The following NFIB variants were observed in gnomAD, a reference collection of about 807,000 sequenced individuals.
The protein encoded by NFIB is nuclear factor 1 B-type.
Under a neutral mutation model 61.5 loss-of-function variants are expected in NFIB, and 11 were observed. That is an observed-to-expected ratio of 0.18 (90% CI 0.11 to 0.30). NFIB has a LOEUF of 0.30. Among genes scored for constraint, NFIB ranks in the 10% least tolerant of loss-of-function variants. The pLI is 1.00. For synonymous variants in NFIB, 260 were observed against 216.5 expected (o/e 1.20, Z -1.76); for missense variants, 471 against 608.9 (o/e 0.77, Z 2.38).
At chr9:14,128,271 A>G (rs1230694768) in intron 6 of NFIB, among the ~76,000 whole-genome samples, 1 of 152,212 alleles carries the variant, frequency 6.6e-6, no homozygotes, top group African/African-American at 2.4e-5. Flanking sequence ...TTGAAAAAGA[A>G]ACTGGGAACT....
At chr9:14,403,424 G>A (rs1020546690), upstream of NFIB, among the ~76,000 whole-genome samples, 1 of 152,066 alleles carries the variant, frequency 6.6e-6, no homozygotes, top group South Asian at 2.1e-4. Flanking sequence ...CCTTTTTTGT[G>A]GTGCCCAACA....
chr9:14,408,285 C>T, the NFIB span, among the ~76,000 whole-genome samples: 1 of 152,116 alleles, frequency 6.6e-6, no homozygotes, highest in Admixed American at 6.5e-5. Context: ...ACAGATATAC[C>T]TGAATCTGTA....
chr9:14,407,240 T>C, the NFIB span, among the ~76,000 whole-genome samples: 5 of 152,346 alleles, frequency 3.3e-5, no homozygotes, highest in African/African-American at 1.2e-4. Flanking sequence ...ATTCTGCAAA[T>C]ATTAAACTTT....
chr9:14,173,587 G>A (rs186508995), intron 3 of NFIB, among the ~76,000 whole-genome samples: 2 of 152,148 alleles, frequency 1.3e-5, no homozygotes, highest in East Asian at 1.9e-4. Context: ...ATAAATATCT[G>A]CTGGCTGAAA....
chr9:14,127,067 T>C (rs752404483), intron 6 of NFIB, among the ~76,000 whole-genome samples: 1 of 152,314 alleles, frequency 6.6e-6, no homozygotes, highest in East Asian at 1.9e-4. Flanking sequence ...AAATATTTAA[T>C]ACTGCCAAAA....
the NFIB span, among the ~76,000 whole-genome samples, chr9:14,409,467 CT>C: frequency 6.6e-6 from 1 of 152,146 alleles, no homozygotes; most frequent in Non-Finnish European, 1.5e-5. Flanking sequence ...TCCAGGAATG[CT>C]AATGCCTGCC....
the NFIB span, among the ~76,000 whole-genome samples, chr9:14,414,578 TTCAGCTTCCTTG>T: frequency 1.9e-4 from 28 of 151,154 alleles, no homozygotes; most frequent in Non-Finnish European, 2.8e-4. Flanking sequence ...TTCTTGGTGT[TTCAGCTTCCTTG>T]TCTGTAAAAC....
Position 14,084,142 on chromosome 9 carries a change from T to C in NFIB, c.*4167A>G, listed in dbSNP as rs1429436085. 4.9e-6 allele frequency: 1 copy of C among 203,262 alleles called. No homozygotes were observed. Among genetic ancestry groups the C allele is most frequent in the Non-Finnish European group, 1.0e-5 (1 of 98,938 alleles). 12.6% of individuals were successfully genotyped at this position (203,262 alleles called of 1,614,324 possible). A position where few individuals can be genotyped will look rare whatever the true frequency, so the allele number is the denominator to read the frequency against. On this transcript the variant is annotated 3_prime_UTR_variant, in exon 11 of 11. Coordinates refer to ENST00000380953, the MANE Select transcript of NFIB (RefSeq NM_001190737.2). ...GAAATAACTCCTAACATGGACAGAT[T>C]TTCTTTTTAATACATAACTTAAGAG...
chr9:14,435,922 C>T, the NFIB span, among the ~76,000 whole-genome samples: 1 of 152,194 alleles, frequency 6.6e-6, no homozygotes, highest in Non-Finnish European at 1.5e-5. Flanking sequence ...AAATGCCACA[C>T]CCATTAGGTA....
intron 2 of NFIB, among the ~76,000 whole-genome samples, chr9:14,287,085 T>C (rs2058753959): frequency 6.6e-6 from 1 of 152,116 alleles, no homozygotes; most frequent in Admixed American, 6.6e-5. Flanking sequence ...TAGGTTCAAA[T>C]CTATCTTTGG....
At chr9:14,462,396 C>A in the NFIB span, among the ~76,000 whole-genome samples, 10 of 152,006 alleles carry the variant, frequency 6.6e-5, no homozygotes, top group East Asian at 3.9e-4. Context: ...CATTCTCCTG[C>A]CTCAGCCTCC....
In NFIB at chr9:14,084,781, A is replaced by C. The variant is rs1587032552; in HGVS notation, c.*3528T>G. The C allele has an allele frequency of 4.4e-6, 1 of 228,818 alleles. No individual in the cohort carries two copies. Among genetic ancestry groups the C allele is most frequent in the Non-Finnish European group, 8.7e-6 (1 of 115,348 alleles). The allele number at this position is 228,818 out of a possible 1,614,324, so 14.2% of individuals were successfully genotyped here. A position where few individuals can be genotyped will look rare whatever the true frequency, so the allele number is the denominator to read the frequency against. On this transcript the variant is annotated 3_prime_UTR_variant, in exon 11 of 11. Coordinates refer to ENST00000380953, the MANE Select transcript of NFIB (RefSeq NM_001190737.2). ...ATATACTTCCTGGTACACGAGGAGG[A>C]GGCCGAAAAGTTGATTTGAGATTTT...
intron 10 of NFIB, among the ~76,000 whole-genome samples, chr9:14,094,799 T>C (rs2118654712): frequency 6.6e-6 from 1 of 152,230 alleles, no homozygotes; most frequent in South Asian, 2.1e-4. Flanking sequence ...GCCTTCTTTA[T>C]TGCTACTCCT....
chr9:14,334,069 A>G (rs1434029129), intron 1 of NFIB, among the ~76,000 whole-genome samples: 1 of 152,232 alleles, frequency 6.6e-6, no homozygotes. Context: ...TCCACATTGC[A>G]GTATGGAATT....
At chr9:14,394,402 C>T (rs1462642353) in intron 1 of NFIB, among the ~76,000 whole-genome samples, 2 of 152,150 alleles carry the variant, frequency 1.3e-5, no homozygotes, top group African/African-American at 4.8e-5. Context: ...GTTTAATGGA[C>T]TCACAGTTCC....
chr9:14,200,110 G>T (rs2048872486), intron 2 of NFIB, among the ~76,000 whole-genome samples: 1 of 152,138 alleles, frequency 6.6e-6, no homozygotes, highest in African/African-American at 2.4e-5. Context: ...AAAGGGGTGT[G>T]CTCAGTAGTT....
At chr9:14,183,405 A>AAT (rs1554665018) in intron 2 of NFIB, among the ~76,000 whole-genome samples, 7,818 of 144,776 alleles carry the variant, frequency 0.054, 594 homozygotes, top group African/African-American at 0.17. Flanking sequence ...GGGAAAAAAA[A>AAT]TTTTTTTTTT....
chr9:14,384,628 G>A (rs146642771), intron 1 of NFIB, among the ~76,000 whole-genome samples: 1 of 152,156 alleles, frequency 6.6e-6, no homozygotes, highest in African/African-American at 2.4e-5. Flanking sequence ...CCAAGGTCAG[G>A]TGTCATTAAT....
At chr9:14,377,227 A>G (rs990339273) in intron 1 of NFIB, among the ~76,000 whole-genome samples, 2 of 152,160 alleles carry the variant, frequency 1.3e-5, no homozygotes, top group African/African-American at 4.8e-5. Context: ...GTGTATTATT[A>G]TGTGCCATTT....
Sources: gnomAD v4.1 joint callset for allele counts (sites outside exome capture counted in the v4.1 genomes callset) on GRCh38, gnomAD v4.1.1 for gene constraint, MANE v1.5 for transcripts, NCBI Gene and HGNC (gene_info 2026-07-23, HGNC 2026-07-21) for gene names.